The following ARHGEF4 variants were observed in gnomAD, a reference collection of about 807,000 sequenced individuals.
ARHGEF4 encodes the protein APC-stimulated guanine nucleotide exchange factor 1.
In ARHGEF4, 119 loss-of-function variants were observed where a neutral mutation model predicts 162.0. That is an observed-to-expected ratio of 0.73 (90% confidence interval 0.63 to 0.86). The LOEUF (loss-of-function observed/expected upper bound fraction) is 0.86, where lower values mean the gene tolerates loss of function less well. ARHGEF4 is among the 40% of genes least tolerant of loss of function. The pLI is 0.00. For missense variants in ARHGEF4, 2,488 were observed against 2,456.0 expected, an observed-to-expected ratio of 1.01 and a Z score of -0.28; for synonymous variants, 1,014 against 979.9, an observed-to-expected ratio of 1.03 and a Z score of -0.65.
At chr2:131,039,848 A>G in intron 6 of ARHGEF4, 168 bp from the exon 7 acceptor site, 1 of 1,427,110 alleles carries the variant, frequency 7.0e-7, no homozygotes, top group Non-Finnish European at 9.1e-7. Flanking sequence ...TCCTCGGTCC[A>G]GGACTTGCGT....
chr2:131,028,494 A>G (rs1015063198), intron 5 of ARHGEF4, among the ~76,000 whole-genome samples: 9 of 152,112 alleles, frequency 5.9e-5, no homozygotes, highest in African/African-American at 2.2e-4. Context: ...GGGAAAAACC[A>G]TTTTCTCTCC....
chr2:130,994,629 G>T (rs529179279), intron 4 of ARHGEF4, among the ~76,000 whole-genome samples: 11 of 151,946 alleles, frequency 7.2e-5, no homozygotes, highest in Non-Finnish European at 1.5e-4. Context: ...CATCTTCATC[G>T]CTCTTCATTG....
chr2:130,926,791 T>G (rs1351141849), intron 2 of ARHGEF4, among the ~76,000 whole-genome samples: 2 of 135,320 alleles, frequency 1.5e-5, no homozygotes, highest in Admixed American at 1.6e-4. Context: ...AAAATAAACC[T>G]GAGAGGGACT....
At chr2:130,972,490 G>C (rs1472637570) in intron 4 of ARHGEF4, among the ~76,000 whole-genome samples, 3 of 152,160 alleles carry the variant, frequency 2.0e-5, no homozygotes, top group African/African-American at 4.8e-5. Flanking sequence ...GCAGTTTCTT[G>C]AACCTGCATT....
In ARHGEF4 at chr2:130,915,569, G is replaced by A. The variant is rs1274630386; in HGVS notation, c.1623G>A (p.Met541Ile). ...CCCAGGTGTGGAGTGGAGACTTGAT[G>A]GGCTGCTTGGAAGTGAGTGACAGTT... ...EGTQVWSGDLMGCLEVSDSSD... is the reference protein window; with the variant it reads ...EGTQVWSGDLIGCLEVSDSSD... The change falls in exon 2 of 14, where the codon ATG (methionine) becomes ATA (isoleucine). Residue 541 changes from methionine (M) to isoleucine (I), a missense_variant. Physicochemically the swap from Met to Ile is conservative, Grantham distance 10 (BLOSUM62 1). Around this residue, in one of 6 missense-constraint regions of ARHGEF4, gnomAD observed 1,642 missense variants for 1,481.5 expected, o/e 1.11. Coordinates refer to ENST00000409359, the MANE Select transcript of ARHGEF4 (RefSeq NM_001367493.1). The A allele has an allele frequency of 3.2e-6, 5 of 1,550,446 alleles. No individual in the cohort carries two copies. The African/African-American group carries it at 4.1e-5, about 13-fold the overall frequency.
chr2:130,994,773 T>A (rs1687271862), intron 4 of ARHGEF4, among the ~76,000 whole-genome samples: 1 of 152,226 alleles, frequency 6.6e-6, no homozygotes, highest in Admixed American at 6.5e-5. Flanking sequence ...TCAGTGTTTG[T>A]TTTTGTTTTC....
At chr2:131,037,898 C>A (rs1363902790) in intron 5 of ARHGEF4, among the ~76,000 whole-genome samples, 3 of 152,212 alleles carry the variant, frequency 2.0e-5, no homozygotes, top group African/African-American at 7.2e-5. Flanking sequence ...ACAGAGGTAG[C>A]AGCTGCAAAA....
In ARHGEF4 at chr2:131,046,308, G is replaced by C. The variant is rs555742643; in HGVS notation, c.*119G>C. The C allele has an allele frequency of 9.2e-7, 1 of 1,086,666 alleles. No individual in the cohort carries two copies. The highest frequency in any genetic ancestry group is 1.3e-6 in the Non-Finnish European group (1 of 766,278). 67.3% of individuals were successfully genotyped at this position (1,086,666 alleles called of 1,614,324 possible). A position where few individuals can be genotyped will look rare whatever the true frequency, so the allele number is the denominator to read the frequency against. ...CTGCAAGTGAGCAGGGATGGGCTGG[G>C]GAGTTGCTTGTGCCACCAAGACGTG... is the stretch of plus-strand genomic sequence containing the variant. On this transcript the variant is annotated 3_prime_UTR_variant, in exon 14 of 14. Transcript: ENST00000409359.
intron 3 of ARHGEF4, among the ~76,000 whole-genome samples, chr2:130,936,905 C>CTTTTTTTTTTTTTTTTTTTT (rs36086542): frequency 6.1e-5 from 5 of 82,314 alleles, no homozygotes; most frequent in Admixed American, 1.5e-4. Flanking sequence ...TTTCTTTTTT[C>CTTTTTTTTTTTTTTTTTTTT]TTTTTTTTTT....
rs571398324 is a variant in ARHGEF4, at chr2:130,916,127, G to A, written c.2181G>A (p.Pro727=). Residue 727 remains proline (P), a synonymous_variant, in exon 2 of 14, where the codon CCG becomes CCA. Coordinates refer to ENST00000409359, the MANE Select transcript of ARHGEF4 (RefSeq NM_001367493.1). Reference sequence around the variant, plus strand: ...CCCAAGCTGCTTCGGAAGAGACGCCGAGCACAGAGGAGCCCCCGGGAGAGA... The same window carrying A: ...CCCAAGCTGCTTCGGAAGAGACGCCAAGCACAGAGGAGCCCCCGGGAGAGA... ...LVPQAASEET[P]STEEPPGERL... 16 of 1,549,614 alleles carry A rather than the reference G, an allele frequency of 1.0e-5. No homozygotes were observed. The African/African-American group carries it at 1.6e-4, about 16-fold the overall frequency.
At chr2:130,960,415 TG>T (rs1684561660) in intron 4 of ARHGEF4, among the ~76,000 whole-genome samples, 1 of 152,224 alleles carries the variant, frequency 6.6e-6, no homozygotes, top group South Asian at 2.1e-4. Flanking sequence ...AGTAACATGC[TG>T]TACAGGTTTG....
At chr2:130,977,448 CGTGT>C (rs985797007) in intron 4 of ARHGEF4, among the ~76,000 whole-genome samples, 4 of 149,802 alleles carry the variant, frequency 2.7e-5, no homozygotes, top group Admixed American at 6.7e-5. Flanking sequence ...GTGTATGTTG[CGTGT>C]GTGTGTAGTG....
chr2:131,032,943 C>T (rs1440679169), intron 5 of ARHGEF4, among the ~76,000 whole-genome samples: 4 of 149,866 alleles, frequency 2.7e-5, no homozygotes, highest in Admixed American at 6.7e-5. Context: ...ACCTCCACCT[C>T]CCAGGCTCAA....
intron 1 of ARHGEF4, among the ~76,000 whole-genome samples, chr2:130,855,034 C>T (rs1051021833): frequency 2.0e-5 from 3 of 147,826 alleles, no homozygotes; most frequent in African/African-American, 5.0e-5. Flanking sequence ...CGACCACGCC[C>T]GGCAAATTTT....
intron 4 of ARHGEF4, among the ~76,000 whole-genome samples, chr2:131,021,702 G>A (rs539753762): frequency 6.6e-6 from 1 of 152,218 alleles, no homozygotes; most frequent in Non-Finnish European, 1.5e-5. Flanking sequence ...ACAGTACTAT[G>A]TTGAATAGAA....
At chr2:130,892,090 G>A (rs906184668) in intron 1 of ARHGEF4, among the ~76,000 whole-genome samples, 2 of 152,170 alleles carry the variant, frequency 1.3e-5, no homozygotes, top group Non-Finnish European at 2.9e-5. Context: ...TGGGATTACA[G>A]GCATGAGCTG....
intron 1 of ARHGEF4, among the ~76,000 whole-genome samples, chr2:130,844,822 ATG>A (rs1680840311): frequency 6.6e-6 from 1 of 151,378 alleles, no homozygotes; most frequent in Non-Finnish European, 1.5e-5. Context: ...ATATATATAT[ATG>A]TATATATATA....
chr2:130,916,881 C>G lies in ARHGEF4; in HGVS notation c.2935C>G (p.Leu979Val). The G allele has an allele frequency of 1.9e-6, 3 of 1,550,444 alleles. No homozygotes were observed. Among genetic ancestry groups the G allele is most frequent in the Non-Finnish European group, 2.6e-6 (3 of 1,146,966 alleles). ...GAGTCTGCCTCTAGGACCCGAAGTTCTCTCCCCAGCAGAGACCGACAGCCA... is the reference window on the plus strand; with the variant it reads ...GAGTCTGCCTCTAGGACCCGAAGTTGTCTCCCCAGCAGAGACCGACAGCCA... ...LVSLPLGPEV[L>V]SPAETDSHCE... is the part of the protein sequence containing the mutation. The change falls in exon 2 of 14, where the codon CTC (leucine) becomes GTC (valine). Residue 979 changes from leucine to valine, a missense_variant. Physicochemically the swap from Leu to Val is conservative, Grantham distance 32 (BLOSUM62 1). Coordinates refer to ENST00000409359, the MANE Select transcript of ARHGEF4 (RefSeq NM_001367493.1).
intron 4 of ARHGEF4, among the ~76,000 whole-genome samples, chr2:131,010,275 G>A (rs1437941432): frequency 1.3e-5 from 2 of 152,170 alleles, no homozygotes; most frequent in African/African-American, 2.4e-5. Context: ...GCCACCCCTT[G>A]GTGCCTGCCT....
Sources: allele counts gnomAD v4.1 joint callset (sites outside exome capture counted in the v4.1 genomes callset), GRCh38; gene constraint gnomAD v4.1.1; regional missense constraint gnomAD v4.1.1; transcripts MANE v1.5; gene names NCBI Gene and HGNC (gene_info 2026-07-23, HGNC 2026-07-21).